ATG4B: variants seen among roughly 807,000 people sequenced by gnomAD.
ATG4B encodes cysteine protease ATG4B.
ATG4B carries 29 observed loss-of-function variants against 56.6 expected under a neutral mutation model. That is an observed-to-expected ratio of 0.51 (90% CI 0.38 to 0.70). ATG4B has a LOEUF of 0.70. Ranked by LOEUF, ATG4B falls within the 30% of genes least tolerant of loss-of-function variation. ATG4B has a pLI of 0.00. For missense variants in ATG4B, 461 were observed against 515.5 expected (o/e 0.89, Z 1.02); for synonymous variants, 224 against 206.1 (o/e 1.09, Z -0.74).
At chr2:241,664,368 CA>C (rs556153888) in intron 7 of ATG4B, among the ~76,000 whole-genome samples, 3 of 151,720 alleles carry the variant, frequency 2.0e-5, no homozygotes, top group African/African-American at 4.8e-5. Context: ...CTCATCTCTA[CA>C]AAAAAACAAA....
At chr2:241,650,630 T>C (rs112080581) in intron 1 of ATG4B, among the ~76,000 whole-genome samples, 3,303 of 152,248 alleles carry the variant, frequency 0.022, 130 homozygotes, top group African/African-American at 0.075. Flanking sequence ...AAGTAAGTGC[T>C]TGAATCGGGT....
intron 6 of ATG4B, among the ~76,000 whole-genome samples, chr2:241,658,316 G>A (rs377418269): frequency 6.6e-6 from 1 of 151,976 alleles, no homozygotes. Flanking sequence ...GGTGGGGCAG[G>A]GGGGCAGTGG....
At chr2:241,647,820 A>G (rs190346598) in intron 1 of ATG4B, among the ~76,000 whole-genome samples, 25 of 151,940 alleles carry the variant, frequency 1.6e-4, no homozygotes, top group Admixed American at 5.9e-4. Context: ...GCTCTTTAAA[A>G]AGATAGGAGT....
rs530981105 is a variant in ATG4B at position 241,651,407 on chromosome 2, A to G, written c.184+72A>G. ...GAAGGAGGAAAACTTACGCTTGTAG[A>G]TTTGACTTCAATATGCCACTGACTT... is the stretch of plus-strand genomic sequence containing the variant. On this transcript the variant is annotated intron_variant, in intron 3 of 12. Transcript: ENST00000404914. This position sits in a 1 kb window ranked among gnomAD's most constrained non-coding sequence, Gnocchi z 4.1. The G allele has an allele frequency of 3.8e-5, 45 of 1,194,642 alleles. No homozygotes were observed. The East Asian group carries it at 9.7e-4, about 26-fold the overall frequency. The allele number at this position is 1,194,642 out of a possible 1,614,324, so 74.0% of individuals were successfully genotyped here.
At chr2:241,654,737 T>A in intron 5 of ATG4B, 90 bp downstream of exon 5, 3 of 1,046,476 alleles carry the variant, frequency 2.9e-6, no homozygotes, top group Non-Finnish European at 4.3e-6. Flanking sequence ...TCTGGTGTCG[T>A]GGGATGTGGA....
At chr2:241,648,006 C>CGGGA (rs2068115146) in intron 1 of ATG4B, among the ~76,000 whole-genome samples, 1 of 151,990 alleles carries the variant, frequency 6.6e-6, no homozygotes, top group Non-Finnish European at 1.5e-5. Flanking sequence ...CCCAGCTACT[C>CGGGA]GGGAGGATGA....
chr2:241,648,635 A>G (rs1317074340), intron 1 of ATG4B, among the ~76,000 whole-genome samples: 1 of 151,056 alleles, frequency 6.6e-6, no homozygotes, highest in East Asian at 1.9e-4. Context: ...GAGCTCTTGG[A>G]CAAAGCCCTG....
intron 1 of ATG4B, among the ~76,000 whole-genome samples, chr2:241,646,806 AG>A (rs2068074518): frequency 6.8e-6 from 1 of 146,554 alleles, no homozygotes; most frequent in East Asian, 2.0e-4. Context: ...TTTTTGAGAC[AG>A]AGTTTCACTC....
intron 1 of ATG4B, among the ~76,000 whole-genome samples, chr2:241,639,171 G>T (rs2067802891): frequency 6.6e-6 from 1 of 152,228 alleles, no homozygotes; most frequent in South Asian, 2.1e-4. Flanking sequence ...TCAAGCGCAG[G>T]CACCAGAGTG....
intron 4 of ATG4B, 39 bp downstream of exon 4, chr2:241,653,649 T>C (rs893962569): frequency 2.2e-5 from 34 of 1,545,076 alleles, no homozygotes; most frequent in African/African-American, 4.1e-5. Context: ...GGCCACGGTG[T>C]TCTCAGGAAG....
chr2:241,666,200 C>T (rs1016568220), intron 7 of ATG4B, among the ~76,000 whole-genome samples: 5 of 152,336 alleles, frequency 3.3e-5, no homozygotes, highest in South Asian at 2.1e-4. Flanking sequence ...CCGCACCCTC[C>T]GGTTGATGTG....
At chr2:241,645,473 C>T (rs569105564) in intron 1 of ATG4B, among the ~76,000 whole-genome samples, 18 of 152,216 alleles carry the variant, frequency 1.2e-4, no homozygotes, top group Admixed American at 3.9e-4. Context: ...CATGCCGGTT[C>T]GTGACTGCTC....
At chr2:241,655,379 G>A (rs927114437) in intron 6 of ATG4B, 36 bp downstream of exon 6, 5 of 1,579,012 alleles carry the variant, frequency 3.2e-6, no homozygotes, top group Non-Finnish European at 4.3e-6. Context: ...GCATGGGGCA[G>A]CAGGGATGTT....
Position 241,673,209 on chromosome 2 carries a change from G to A in ATG4B, c.*945G>A. On this transcript the variant is annotated 3_prime_UTR_variant, in exon 13 of 13. Transcript: ENST00000404914. ...GGGAAAACCACTTGAGTCTTGTGGT[G>A]TGTGGTGGGCAGACACCACAGGGTG... The A allele has an allele frequency of 3.6e-6, 1 of 277,938 alleles. No homozygotes were observed. Among genetic ancestry groups the A allele is most frequent in the Non-Finnish European group, 7.3e-6 (1 of 137,464 alleles). The allele number at this position is 277,938 out of a possible 1,614,324, so 17.2% of individuals were successfully genotyped here. A position where few individuals can be genotyped will look rare whatever the true frequency, so the allele number is the denominator to read the frequency against.
intron 4 of ATG4B, among the ~76,000 whole-genome samples, chr2:241,654,294 G>T (rs1314839898): frequency 6.6e-6 from 1 of 151,902 alleles, no homozygotes; most frequent in Non-Finnish European, 1.5e-5. Context: ...GGTGACATGT[G>T]CCTGTAGTCC....
rs754894614 is a variant in ATG4B at position 241,653,497 on chromosome 2, T to C, written c.185-15T>C. The C allele has an allele frequency of 3.8e-6, 6 of 1,566,504 alleles. No homozygotes were observed. The highest frequency in any genetic ancestry group is 5.2e-6 in the Non-Finnish European group (6 of 1,155,550). The stretch of plus-strand genomic sequence containing the variant: ...ATCTGGCCATGAGCACTTCTCTCTC[T>C]GTCTGCCACGACAGGGGGGACAGGC... On this transcript the variant is annotated splice_polypyrimidine_tract_variant and intron_variant, in intron 3 of 12. Coordinates refer to ENST00000404914, the MANE Select transcript of ATG4B (RefSeq NM_013325.5).
chr2:241,656,686 A>G (rs1237101940), intron 6 of ATG4B, among the ~76,000 whole-genome samples: 1 of 152,152 alleles, frequency 6.6e-6, no homozygotes, highest in Non-Finnish European at 1.5e-5. Flanking sequence ...GCTCAGGTCC[A>G]GCTGCTTATT....
rs751807467 is a variant in ATG4B at position 241,666,729 on chromosome 2, C to G, written c.623C>G (p.Ala208Gly). 77 of 1,611,656 alleles carry G rather than the reference C, an allele frequency of 4.8e-5. No homozygotes were observed. Among genetic ancestry groups the G allele is most frequent in the Admixed American group, 1.7e-5 (1 of 59,678 alleles). ...GACCGGCACTGCAACGGATTCCCTG[C>G]CGGAGCTGAGGTCACCAACAGGCCG... Reference protein sequence around the residue: ...DSDRHCNGFPAGAEVTNRPSP... With the variant: ...DSDRHCNGFPGGAEVTNRPSP... The change falls in exon 8 of 13, where the codon GCC becomes GGC. Residue 208 changes from alanine to glycine, a missense_variant. Ala to Gly is a moderately conservative substitution (Grantham distance 60). Coordinates refer to ENST00000404914, the MANE Select transcript of ATG4B (RefSeq NM_013325.5).
At chr2:241,671,630 C>CT in intron 12 of ATG4B, 4 of 1,479,926 alleles carry the variant, frequency 2.7e-6, no homozygotes, top group Non-Finnish European at 3.6e-6. Flanking sequence ...CCAGCGCTGC[C>CT]TGCCCGGGCG....
Sources: gnomAD v4.1 joint callset for allele counts (sites outside exome capture counted in the v4.1 genomes callset) on GRCh38, gnomAD v4.1.1 for gene constraint, Gnocchi (gnomAD v3.1) non-coding constraint, MANE v1.5 for transcripts, NCBI Gene and HGNC (gene_info 2026-07-23, HGNC 2026-07-21) for gene names.